Variants in TAFA1 observed in about 807,000 individuals in gnomAD.
The protein encoded by TAFA1 is chemokine-like protein TAFA-1.
TAFA1 carries 4 observed loss-of-function variants against 18.5 expected under a neutral mutation model. The ratio of observed to expected loss-of-function variants is 0.22; its 90% CI spans 0.11 to 0.49. The LOEUF (loss-of-function observed/expected upper bound fraction) is 0.49. Among genes scored for constraint, TAFA1 ranks in the 20% least tolerant of loss-of-function variants. The pLI, the probability that TAFA1 is intolerant of heterozygous loss-of-function variation, is 0.98. For missense variants in TAFA1, 147 were observed against 169.0 expected, an observed-to-expected ratio of 0.87 and a Z score of 0.72; for synonymous variants, 56 against 55.2, an observed-to-expected ratio of 1.01 and a Z score of -0.06.
chr3:68,377,551 G>A (rs1200246304), intron 2 of TAFA1, among the ~76,000 whole-genome samples: 1 of 152,164 alleles, frequency 6.6e-6, no homozygotes, highest in African/African-American at 2.4e-5. Flanking sequence ...GCAGCCTGAT[G>A]ATGCAATAGA....
intron 2 of TAFA1, among the ~76,000 whole-genome samples, chr3:68,113,337 C>A (rs1360353933): frequency 6.6e-6 from 1 of 152,118 alleles, no homozygotes; most frequent in African/African-American, 2.4e-5. Flanking sequence ...TTTCCATAAA[C>A]GGTGCTGGGA....
chr3:68,404,138 G>A (rs1411748792), intron 2 of TAFA1, among the ~76,000 whole-genome samples: 1 of 152,160 alleles, frequency 6.6e-6, no homozygotes, highest in Non-Finnish European at 1.5e-5. Flanking sequence ...TACAGATGAG[G>A]AGACTAAGAA....
chr3:68,433,253 A>G (rs559041363), intron 3 of TAFA1, among the ~76,000 whole-genome samples: 47 of 152,062 alleles, frequency 3.1e-4, no homozygotes, highest in Middle Eastern at 3.4e-3. Flanking sequence ...CCATTTTGTC[A>G]TCAGAACTCC....
chr3:68,261,843 C>T (rs1559585267), intron 2 of TAFA1, among the ~76,000 whole-genome samples: 1 of 151,702 alleles, frequency 6.6e-6, no homozygotes. Flanking sequence ...GTGCAGCACA[C>T]CAACATGGCA....
chr3:68,437,256 ATAGCACAATAACATTGTGCTATTCT>A (rs144978405), intron 3 of TAFA1, among the ~76,000 whole-genome samples: 9,921 of 152,236 alleles, frequency 0.065, 869 homozygotes, highest in East Asian at 0.19. Context: ...CTGTTGCTTA[ATAGCACAATAACATTGTGCTATTCT>A]TGGCACAATG....
chr3:68,437,768 G>T (rs1233466451), intron 3 of TAFA1, among the ~76,000 whole-genome samples: 1 of 152,072 alleles, frequency 6.6e-6, no homozygotes, highest in Non-Finnish European at 1.5e-5. Flanking sequence ...ATAAGTTTTG[G>T]AGGGTACAAA....
chr3:68,501,694 A>G (rs2072662029), intron 3 of TAFA1, among the ~76,000 whole-genome samples: 1 of 152,178 alleles, frequency 6.6e-6, no homozygotes, highest in Non-Finnish European at 1.5e-5. Context: ...GATAATTTAC[A>G]AACTGCAGGT....
chr3:68,035,560 T>C (rs1004331416), intron 2 of TAFA1, among the ~76,000 whole-genome samples: 1 of 152,166 alleles, frequency 6.6e-6, no homozygotes, highest in African/African-American at 2.4e-5. Flanking sequence ...TGCCAAGTGC[T>C]AACGAGGATG....
intron 2 of TAFA1, among the ~76,000 whole-genome samples, chr3:68,206,812 A>G (rs1243465340): frequency 3.3e-5 from 5 of 152,028 alleles, no homozygotes; most frequent in African/African-American, 1.2e-4. Context: ...ACCTCATTGG[A>G]CTAACTTGGA....
intron 2 of TAFA1, among the ~76,000 whole-genome samples, chr3:68,329,101 T>G: frequency 6.6e-6 from 1 of 151,334 alleles, no homozygotes; most frequent in Non-Finnish European, 1.5e-5. Context: ...TTTTTTTTTT[T>G]TGGGACAGAG....
At chr3:68,224,550 T>G (rs901542262) in intron 2 of TAFA1, among the ~76,000 whole-genome samples, 3 of 152,220 alleles carry the variant, frequency 2.0e-5, no homozygotes, top group African/African-American at 7.2e-5. Context: ...GTTTGTTTCC[T>G]GAAAGCTTTC....
rs183478846 is a variant in TAFA1 at position 68,147,668 on chromosome 3, A to C, written c.118+140924A>C. Among the ~76,000 whole-genome samples the C allele has an allele frequency of 1.8e-3, 273 of 152,142 alleles. 1 individual carries two copies. The highest frequency in any genetic ancestry group is 6.5e-3 in the African/African-American group (268 of 41,514). On this transcript the variant is annotated intron_variant, in intron 2 of 4. Transcript: ENST00000478136. The stretch of plus-strand genomic sequence containing the variant: ...GCTCCAACCAGAGACAATTTTCTGA[A>C]ACACTTGAAAGATTTGAGGGCAAAA...
chr3:68,313,288 A>G (rs921872909), intron 2 of TAFA1, among the ~76,000 whole-genome samples: 1 of 152,226 alleles, frequency 6.6e-6, no homozygotes, highest in Non-Finnish European at 1.5e-5. Flanking sequence ...AAAGTGTAAC[A>G]TTGTCTTGCA....
At chr3:68,260,192 T>C (rs2067386257) in intron 2 of TAFA1, among the ~76,000 whole-genome samples, 2 of 152,234 alleles carry the variant, frequency 1.3e-5, no homozygotes, top group South Asian at 4.1e-4. Context: ...TCTATTGAGA[T>C]AATCATGTGG....
the TAFA1 span, among the ~76,000 whole-genome samples, chr3:67,997,834 T>C: frequency 1.5e-5 from 1 of 66,342 alleles, no homozygotes; most frequent in Non-Finnish European, 4.5e-5. Flanking sequence ...AGTAAAAAAT[T>C]TACTACCACA....
intron 3 of TAFA1, among the ~76,000 whole-genome samples, chr3:68,496,165 G>A (rs993651236): frequency 3.9e-5 from 6 of 152,120 alleles, no homozygotes; most frequent in South Asian, 2.1e-4. Context: ...CAGCGTTAAC[G>A]AGAATCAGTT....
intron 3 of TAFA1, among the ~76,000 whole-genome samples, chr3:68,520,090 T>C (rs1022613263): frequency 6.6e-6 from 1 of 151,874 alleles, no homozygotes; most frequent in African/African-American, 2.4e-5. Flanking sequence ...CTGGTGATTG[T>C]TTTTTTTCTT....
intron 2 of TAFA1, among the ~76,000 whole-genome samples, chr3:68,159,375 T>C (rs904200534): frequency 1.3e-5 from 2 of 152,280 alleles, no homozygotes; most frequent in South Asian, 4.2e-4. Context: ...AAATAGTTCT[T>C]CGTGGTATTA....
intron 2 of TAFA1, among the ~76,000 whole-genome samples, chr3:68,249,425 T>C (rs539429287): frequency 6.6e-6 from 1 of 152,292 alleles, no homozygotes; most frequent in African/African-American, 2.4e-5. Context: ...TCAGTCTCAG[T>C]ACCTGGTTTG....
Sources: gnomAD v4.1 joint callset for allele counts (sites outside exome capture counted in the v4.1 genomes callset) on GRCh38, gnomAD v4.1.1 for gene constraint, MANE v1.5 for transcripts, NCBI Gene and HGNC (gene_info 2026-07-23, HGNC 2026-07-21) for gene names.